The following ALAD variants were observed in gnomAD, a reference collection of about 807,000 sequenced individuals.
The protein encoded by ALAD is aminolevulinate dehydratase.
ALAD carries 20 observed loss-of-function variants against 44.4 expected under a neutral mutation model. The ratio of observed to expected loss-of-function variants is 0.45; its 90% confidence interval spans 0.32 to 0.65. The LOEUF (loss-of-function observed/expected upper bound fraction) is 0.65. ALAD is among the 30% of genes least tolerant of loss of function. ALAD has a pLI of 0.05. For missense variants in ALAD, 323 were observed against 445.7 expected (o/e 0.72, Z 2.48); for synonymous variants, 156 against 167.9 (o/e 0.93, Z 0.55).
chr9:113,394,850 G>C (rs897605913), intron 1 of ALAD, among the ~76,000 whole-genome samples: 1 of 152,030 alleles, frequency 6.6e-6, no homozygotes, highest in Non-Finnish European at 1.5e-5. Context: ...TCAGGAGTTC[G>C]AGACCAGCCT....
At chr9:113,393,707 T>C (rs965321231) in intron 1 of ALAD, 73 bp from the exon 2 acceptor site, 22 of 653,540 alleles carry the variant, frequency 3.4e-5, no homozygotes, top group Non-Finnish European at 6.0e-5. Flanking sequence ...GGAAAACAGC[T>C]CTTCTAGATT....
At chr9:113,389,896 GGAGA>G (rs1348760227) in intron 7 of ALAD, 68 bp from the exon 8 acceptor site, 10 of 1,589,608 alleles carry the variant, frequency 6.3e-6, no homozygotes, top group Non-Finnish European at 8.6e-6. Context: ...GATGTGGCAG[GGAGA>G]GAAAGAACCT....
rs1049346317 is a variant in ALAD at position 113,387,323 on chromosome 9, T to C, written c.*977A>G. ...CTTCAGGGAAGTATTTTCTGATCCT[T>C]CAAAGAGGTCAGGTCCTGGTGACCT... On this transcript the variant is annotated 3_prime_UTR_variant, in exon 12 of 12. Coordinates refer to ENST00000409155, the MANE Select transcript of ALAD (RefSeq NM_000031.6). The C allele has an allele frequency of 6.6e-5, 10 of 152,338 alleles. No individual in the cohort carries two copies. Among genetic ancestry groups the C allele is most frequent in the African/African-American group, 2.4e-4 (10 of 41,564 alleles). The allele number at this position is 152,338 out of a possible 1,614,324, so 9.4% of individuals were successfully genotyped here.
chr9:113,399,218 G>A (rs574556197), intron 1 of ALAD, among the ~76,000 whole-genome samples: 37 of 152,332 alleles, frequency 2.4e-4, no homozygotes, highest in African/African-American at 8.9e-4. Context: ...TACAAAATAG[G>A]CATGATATCT....
intron 1 of ALAD, among the ~76,000 whole-genome samples, chr9:113,395,061 AAAAAG>A (rs1020417246): frequency 1.1e-4 from 16 of 152,162 alleles, no homozygotes; most frequent in African/African-American, 3.9e-4. Context: ...TTCCAAAAAA[AAAAAG>A]AAAGAAAGAA....
intron 2 of ALAD, 48 bp downstream of exon 2, chr9:113,393,399 C>A: frequency 3.2e-6 from 5 of 1,543,538 alleles, no homozygotes; most frequent in Non-Finnish European, 4.5e-6. Context: ...TCCCCAACCC[C>A]AACCCCAACC....
chr9:113,395,072 AAGAAAAG>A (rs1158054097), intron 1 of ALAD, among the ~76,000 whole-genome samples: 1 of 152,126 alleles, frequency 6.6e-6, no homozygotes. Context: ...AAAAGAAAGA[AAGAAAAG>A]AGAAAAGTAC....
chr9:113,398,223 G>C (rs568861705), intron 1 of ALAD: 2 of 152,352 alleles, frequency 1.3e-5, no homozygotes, highest in African/African-American at 4.8e-5. Context: ...TCATTTCATT[G>C]CAAGAATTGT....
chr9:113,396,034 A>C (rs2119006173), intron 1 of ALAD, among the ~76,000 whole-genome samples: 1 of 152,300 alleles, frequency 6.6e-6, no homozygotes, highest in East Asian at 1.9e-4. Flanking sequence ...TCTCTACTAA[A>C]AATAAAAAAA....
intron 11 of ALAD, 119 bp downstream of exon 11, chr9:113,388,858 G>T (rs1827480988): frequency 2.0e-6 from 3 of 1,469,616 alleles, no homozygotes. Flanking sequence ...TGTCTGTTTA[G>T]ATCACTAGTA....
In ALAD at chr9:113,388,171, CCG is replaced by C. The variant is rs1477662276; in HGVS notation, c.*127_*128del. 2.4e-5 allele frequency: 24 copies of C among 1,006,574 alleles called. No homozygotes were observed. In the Middle Eastern group the frequency reaches 1.9e-3, roughly 81 times the overall value. 62.4% of individuals were successfully genotyped at this position (1,006,574 alleles called of 1,614,324 possible). ...CAAAACCACCCAGGGCTGCTGGGCCCCGCTAGCATGTGAGCAGGAAGAGGGCA... is the reference window on the plus strand; with the variant it reads ...CAAAACCACCCAGGGCTGCTGGGCCCCTAGCATGTGAGCAGGAAGAGGGCA... On this transcript the variant is annotated 3_prime_UTR_variant, in exon 12 of 12. Coordinates refer to ENST00000409155, the MANE Select transcript of ALAD (RefSeq NM_000031.6).
Position 113,386,366 on chromosome 9 carries a change from T to C in ALAD, c.*1934A>G, listed in dbSNP as rs559993856. ...AATTCTTTACAACTTTATTACAATATAGATTTTGTGTTGGATAGTTTTGCC... is the reference window on the plus strand; with the variant it reads ...AATTCTTTACAACTTTATTACAATACAGATTTTGTGTTGGATAGTTTTGCC... On this transcript the variant is annotated 3_prime_UTR_variant, in exon 12 of 12. Coordinates refer to ENST00000409155, the MANE Select transcript of ALAD (RefSeq NM_000031.6). 2 of 152,340 alleles carry C rather than the reference T, an allele frequency of 1.3e-5. No individual in the cohort carries two copies. Among genetic ancestry groups the C allele is most frequent in the Admixed American group, 6.5e-5 (1 of 15,300 alleles). The allele number at this position is 152,340 out of a possible 1,614,324, so 9.4% of individuals were successfully genotyped here. A position where few individuals can be genotyped will look rare whatever the true frequency, so the allele number is the denominator to read the frequency against.
intron 4 of ALAD, 131 bp from the exon 5 acceptor site, chr9:113,391,064 C>G: frequency 7.8e-7 from 1 of 1,284,988 alleles, no homozygotes; most frequent in Non-Finnish European, 1.1e-6. Flanking sequence ...TAAGGAAGCA[C>G]AGAGGACTGA....
chr9:113,390,124 C>T (rs980501144), intron 7 of ALAD, among the ~76,000 whole-genome samples: 2 of 152,076 alleles, frequency 1.3e-5, no homozygotes, highest in East Asian at 1.9e-4. Flanking sequence ...TGGGTTCAAG[C>T]GATTCTCCTG....
At position 113,388,163 on chromosome 9, in the gene ALAD, G is replaced by A. The variant is rs929369488; in HGVS notation, c.*137C>T. ...CATGCTGGCAAAACCACCCAGGGCT[G>A]CTGGGCCCCGCTAGCATGTGAGCAG... On this transcript the variant is annotated 3_prime_UTR_variant, in exon 12 of 12. Coordinates refer to ENST00000409155, the MANE Select transcript of ALAD (RefSeq NM_000031.6). 6.5e-6 allele frequency: 6 copies of A among 921,830 alleles called. No homozygotes were observed. The highest frequency in any genetic ancestry group is 3.3e-5 in the African/African-American group (2 of 61,142). 57.1% of individuals were successfully genotyped at this position (921,830 alleles called of 1,614,324 possible). A position where few individuals can be genotyped will look rare whatever the true frequency, so the allele number is the denominator to read the frequency against.
intron 11 of ALAD, 65 bp downstream of exon 11, chr9:113,388,912 A>G (rs1332342842): frequency 2.5e-6 from 4 of 1,612,658 alleles, no homozygotes; most frequent in Non-Finnish European, 3.4e-6. Context: ...TCGTTCCCCA[A>G]TCTAGGCAGA....
At chr9:113,395,421 CAG>C (rs1827701207) in intron 1 of ALAD, among the ~76,000 whole-genome samples, 1 of 152,212 alleles carries the variant, frequency 6.6e-6, no homozygotes, top group Non-Finnish European at 1.5e-5. Flanking sequence ...TGCCAGTAGA[CAG>C]AGCTTCTGCA....
Position 113,390,244 on chromosome 9 carries a change from A to G in ALAD, c.570+161T>C, listed in dbSNP as rs535361925. On this transcript the variant is annotated intron_variant, in intron 7 of 11. Coordinates refer to ENST00000409155, the MANE Select transcript of ALAD (RefSeq NM_000031.6). ...ACCATGTTGGCCAGGCTGGTCTTGA[A>G]CCCCTGACCTCAAGTGATCTACCTG... Among the ~76,000 whole-genome samples the G allele has an allele frequency of 7.3e-5, 11 of 151,038 alleles. No individual in the cohort carries two copies. In the East Asian group the frequency reaches 2.1e-3, roughly 29 times the overall value.
chr9:113,392,354 C>CA (rs1313394672), intron 2 of ALAD, 185 bp from the exon 3 acceptor site: 1 of 1,491,708 alleles, frequency 6.7e-7, no homozygotes, highest in Non-Finnish European at 9.0e-7. Context: ...ATAATAGGAA[C>CA]AACAAGAATA....
Sources: gnomAD v4.1 joint callset for allele counts (sites outside exome capture counted in the v4.1 genomes callset) on GRCh38, gnomAD v4.1.1 for gene constraint, MANE v1.5 for transcripts, NCBI Gene and HGNC (gene_info 2026-07-23, HGNC 2026-07-21) for gene names.